SLC4A3: variants seen among roughly 807,000 people sequenced by gnomAD.
SLC4A3 encodes the protein anion exchange protein 3.
A neutral mutation model predicts 114.2 loss-of-function variants in SLC4A3; 47 were observed. That is an observed-to-expected ratio of 0.41 (90% confidence interval 0.33 to 0.52). SLC4A3 has a LOEUF of 0.52. Ranked by LOEUF, SLC4A3 falls within the 20% of genes least tolerant of loss-of-function variation. SLC4A3 has a pLI of 0.21. For synonymous variants in SLC4A3, 693 were observed against 710.3 expected (o/e 0.98, Z 0.39); for missense variants, 1,312 against 1,668.3 (o/e 0.79, Z 3.72).
rs2289781 is a variant in SLC4A3, at chr2:219,637,852, A to G, written c.2766+41A>G. The G allele has an allele frequency of 2.7e-4, 410 of 1,491,896 alleles. 2 individuals are homozygous for G. In the African/African-American group the frequency reaches 3.6e-3, roughly 13 times the overall value. 92.4% of individuals were successfully genotyped at this position (1,491,896 alleles called of 1,614,324 possible). On this transcript the variant is annotated intron_variant, in intron 17 of 22. Transcript: ENST00000358055. This position sits in a 1 kb window ranked among gnomAD's most constrained non-coding sequence, Gnocchi z 4.6. ...GTGTGGAGCCCCCAAGAGTCCCACA[A>G]TTCCTGCTGTAGGAGCTCCCCAGAG... is the stretch of plus-strand genomic sequence containing the variant.
rs1698903528 is a variant in SLC4A3 at position 219,631,117 on chromosome 2, T to G, written c.811+765T>G. ...GGCTTGTGGACTTGGGGAGTTGGGG[T>G]CGGGAGGCTGTGCCACCTTCAGCTC... is the stretch of plus-strand genomic sequence containing the variant. On this transcript the variant is annotated intron_variant, in intron 6 of 22. Coordinates refer to ENST00000358055, the MANE Select transcript of SLC4A3 (RefSeq NM_005070.4). The surrounding 1 kb of genome is among the most constrained non-coding windows in gnomAD (Gnocchi z 6.3). 3.5e-6 allele frequency: 4 copies of G among 1,148,118 alleles called. No homozygotes were observed. Among genetic ancestry groups the G allele is most frequent in the South Asian group, 1.8e-5 (1 of 54,912 alleles). 71.1% of individuals were successfully genotyped at this position (1,148,118 alleles called of 1,614,324 possible).
rs1489059788 is a variant in SLC4A3 at position 219,635,392 on chromosome 2, G to T, written c.1868G>T (p.Arg623Leu). 2 of 1,614,028 alleles carry T rather than the reference G, an allele frequency of 1.2e-6. No individual in the cohort carries two copies. Among genetic ancestry groups the T allele is most frequent in the African/African-American group, 1.3e-5 (1 of 74,918 alleles). ...GAGGTGGAGGGCCGTGACCTGCTGC[G>T]CTCCGTGGCTGCTTTCCAGCGAGAG... ...PSEVEGRDLL[R>L]SVAAFQRELL... The change falls in exon 13 of 23, where the codon CGC becomes CTC. Residue 623 changes from arginine to leucine, a missense_variant. Coordinates refer to ENST00000358055, the MANE Select transcript of SLC4A3 (RefSeq NM_005070.4).
At chr2:219,629,035 G>A in intron 3 of SLC4A3, 109 bp from the exon 4 acceptor site, 1 of 1,333,302 alleles carries the variant, frequency 7.5e-7, no homozygotes, top group East Asian at 2.5e-5. Context: ...CTGGAGGAAG[G>A]ACTAGGGTGC....
At position 219,635,690 on chromosome 2, in the gene SLC4A3, G is replaced by A. The variant is rs55910611; in HGVS notation, c.1990G>A (p.Gly664Arg). ...APGKELSLEL[G>R]GSEATPEDDP... Reference sequence around the variant, plus strand: ...TCCCCCAGAACTGTCTTTGGAGTTGGGGGGCTCTGAGGCAACCCCTGAAGA... The same window carrying A: ...TCCCCCAGAACTGTCTTTGGAGTTGAGGGGCTCTGAGGCAACCCCTGAAGA... The change falls in exon 14 of 23, where the codon GGG (glycine) becomes AGG (arginine). Residue 664 changes from glycine to arginine, a missense_variant. This residue lies in a region of SLC4A3 where 771 missense variants were observed against 977.7 expected (regional missense o/e 0.79). Transcript: ENST00000358055. The A allele has an allele frequency of 5.5e-3, 8,797 of 1,588,754 alleles. 24 individuals carry two copies. Among genetic ancestry groups the A allele is most frequent in the Non-Finnish European group, 6.9e-3 (8,120 of 1,170,354 alleles).
rs1167535730 is a variant in SLC4A3 at position 219,641,962 on chromosome 2, T to G, written c.*234T>G. The G allele has an allele frequency of 2.2e-6, 1 of 447,366 alleles. No homozygotes were observed. Among genetic ancestry groups the G allele is most frequent in the Non-Finnish European group, 4.0e-6 (1 of 252,134 alleles). The allele number at this position is 447,366 out of a possible 1,614,324, so 27.7% of individuals were successfully genotyped here. On this transcript the variant is annotated 3_prime_UTR_variant, in exon 23 of 23. Coordinates refer to ENST00000358055, the MANE Select transcript of SLC4A3 (RefSeq NM_005070.4). This position sits in a 1 kb window ranked among gnomAD's most constrained non-coding sequence, Gnocchi z 4.0. ...TTTGAGCTCATTATAACCACACTCC[T>G]TGTCTCGTGTCTGCCTCACTTTCTT... is the stretch of plus-strand genomic sequence containing the variant.
chr2:219,637,263 G>T lies in SLC4A3; in HGVS notation c.2536-318G>T, dbSNP rs549866583. The stretch of plus-strand genomic sequence containing the variant: ...GTTGTGTGTGATGTATGTGTTGTGT[G>T]TGTGTGCGTGTGTGTGCCTGTGTGT... On this transcript the variant is annotated intron_variant, in intron 16 of 22. Coordinates refer to ENST00000358055, the MANE Select transcript of SLC4A3 (RefSeq NM_005070.4). This position sits in a 1 kb window ranked among gnomAD's most constrained non-coding sequence, Gnocchi z 4.6. Among the ~76,000 whole-genome samples, 2 of 151,456 alleles carry T rather than the reference G, an allele frequency of 1.3e-5. No individual in the cohort carries two copies. The highest frequency in any genetic ancestry group is 1.3e-4 in the Admixed American group (2 of 15,194).
In SLC4A3 at chr2:219,628,360, C is replaced by T; in HGVS notation, c.52-45C>T. 1.9e-6 allele frequency: 3 copies of T among 1,545,808 alleles called. No individual in the cohort carries two copies. Among genetic ancestry groups the T allele is most frequent in the Non-Finnish European group, 2.6e-6 (3 of 1,148,114 alleles). ...CTTGGAGTTGGGGTGGGTGTGGGGCCTTCATGGGTCAGGGGTCCTTAGCAG... is the reference window on the plus strand; with the variant it reads ...CTTGGAGTTGGGGTGGGTGTGGGGCTTTCATGGGTCAGGGGTCCTTAGCAG... On this transcript the variant is annotated intron_variant, in intron 2 of 22. Coordinates refer to ENST00000358055, the MANE Select transcript of SLC4A3 (RefSeq NM_005070.4). This position sits in a 1 kb window ranked among gnomAD's most constrained non-coding sequence, Gnocchi z 4.8.
Position 219,632,026 on chromosome 2 carries a change from G to C in SLC4A3, c.870G>C (p.Arg290=). 8 of 1,613,460 alleles carry C rather than the reference G, an allele frequency of 5.0e-6. No homozygotes were observed. Among genetic ancestry groups the C allele is most frequent in the Non-Finnish European group, 6.8e-6 (8 of 1,179,814 alleles). ...GACACTTAGTGAAAAAGCCCTCCCG[G>C]ACGCAGGGCGGGAGGGGCAGTCCCA... ...VRRHLVKKPS[R]TQGGRGSPSG... is the part of the protein sequence containing the mutation. The change falls in exon 7 of 23, where the codon CGG becomes CGC. Residue 290 remains arginine, a synonymous_variant. Transcript: ENST00000358055.
In SLC4A3 at chr2:219,636,795, T is replaced by A; in HGVS notation, c.2456T>A (p.Ile819Asn). The change falls in exon 16 of 23, where the codon ATC (isoleucine) becomes AAC (asparagine). Residue 819 changes from isoleucine to asparagine, a missense_variant. Transcript: ENST00000358055. The surrounding 1 kb of genome is among the most constrained non-coding windows in gnomAD (Gnocchi z 5.5). Reference protein sequence around the residue: ...AAEGSFLVRYISPFTQEIFAF... With the variant: ...AAEGSFLVRYNSPFTQEIFAF... ...GAAGGCAGCTTCCTGGTCCGCTACA[T>A]CTCGCCTTTCACCCAGGAGATCTTT... is the stretch of plus-strand genomic sequence containing the variant. The A allele has an allele frequency of 1.2e-6, 2 of 1,614,078 alleles. No individual in the cohort carries two copies. Among genetic ancestry groups the A allele is most frequent in the South Asian group, 2.2e-5 (2 of 91,080 alleles).
Position 219,637,254 on chromosome 2 carries a change from G to T in SLC4A3, c.2536-327G>T, listed in dbSNP as rs1241448936. On this transcript the variant is annotated intron_variant, in intron 16 of 22. Coordinates refer to ENST00000358055, the MANE Select transcript of SLC4A3 (RefSeq NM_005070.4). This position sits in a 1 kb window ranked among gnomAD's most constrained non-coding sequence, Gnocchi z 4.6. Reference sequence around the variant, plus strand: ...GTATGGTGTGTTGTGTGTGATGTATGTGTTGTGTGTGTGTGCGTGTGTGTG... The same window carrying T: ...GTATGGTGTGTTGTGTGTGATGTATTTGTTGTGTGTGTGTGCGTGTGTGTG... Among the ~76,000 whole-genome samples, 1 of 151,062 alleles carries T rather than the reference G, an allele frequency of 6.6e-6. No homozygotes were observed. Among genetic ancestry groups the T allele is most frequent in the East Asian group, 1.9e-4 (1 of 5,170 alleles).
chr2:219,635,520 C>A, intron 13 of SLC4A3, 24 bp downstream of exon 13: 2 of 1,561,878 alleles, frequency 1.3e-6, no homozygotes, highest in Non-Finnish European at 1.7e-6. Context: ...AGGCTGAGTG[C>A]CCCCAATACA....
At chr2:219,640,225 G>GCCCCCCCC (rs5838745) in intron 20 of SLC4A3, among the ~76,000 whole-genome samples, 3 of 108,258 alleles carry the variant, frequency 2.8e-5, no homozygotes, top group African/African-American at 7.2e-5. Flanking sequence ...CAATGTGTCT[G>GCCCCCCCC]CCCCCCCCCC....
Position 219,631,922 on chromosome 2 carries a change from G to T in SLC4A3, c.812-46G>T. 6.5e-7 allele frequency: 1 copy of T among 1,536,728 alleles called. No individual in the cohort carries two copies. Among genetic ancestry groups the T allele is most frequent in the Non-Finnish European group, 8.7e-7 (1 of 1,143,500 alleles). ...GAAGGAGCTGGGCCGTGACCCCGAG[G>T]GCCCCAGCTGGACCTGTGGGACCCC... On this transcript the variant is annotated intron_variant, in intron 6 of 22. Transcript: ENST00000358055. The surrounding 1 kb of genome is among the most constrained non-coding windows in gnomAD (Gnocchi z 6.3).
At chr2:219,634,036 G>A in intron 11 of SLC4A3, 57 bp downstream of exon 11, 1 of 1,475,294 alleles carries the variant, frequency 6.8e-7, no homozygotes, top group Non-Finnish European at 9.0e-7. Flanking sequence ...CCTCTCCTGG[G>A]GGCCTGCTTG....
chr2:219,629,138 C>T lies in SLC4A3; in HGVS notation c.218-6C>T. The T allele has an allele frequency of 6.4e-7, 1 of 1,572,008 alleles. No homozygotes were observed. Among genetic ancestry groups the T allele is most frequent in the East Asian group, 2.3e-5 (1 of 44,408 alleles). ...GGGGCCTCAACCGGATCTCCTGCAC[C>T]CCCAGTTCACCGGCACACATCCCAC... On this transcript the variant is annotated splice_polypyrimidine_tract_variant and splice_region_variant and intron_variant, in intron 3 of 22. Coordinates refer to ENST00000358055, the MANE Select transcript of SLC4A3 (RefSeq NM_005070.4).
At position 219,627,696 on chromosome 2, in the gene SLC4A3, A is replaced by T. The variant is rs1272457466; in HGVS notation, c.-143A>T. 4.9e-6 allele frequency: 1 copy of T among 202,298 alleles called. No individual in the cohort carries two copies. Among genetic ancestry groups the T allele is most frequent in the East Asian group, 1.1e-4 (1 of 9,034 alleles). The allele number at this position is 202,298 out of a possible 1,614,324, so 12.5% of individuals were successfully genotyped here. ...CTGCGCTCGGGAGAGAGCGCGGGGG[A>T]CATGGGGCGCGGCGGCCCGCCTGGG... On this transcript the variant is annotated 5_prime_UTR_variant, in exon 1 of 23. Transcript: ENST00000358055.
Position 219,628,640 on chromosome 2 carries a change from C to A in SLC4A3, c.217+70C>A, listed in dbSNP as rs1698806676. ...CACCTTCATCGCCACCATCACCGCGCTCACCTCCGGCTTGGTCACCCAGTG... is the reference window on the plus strand; with the variant it reads ...CACCTTCATCGCCACCATCACCGCGATCACCTCCGGCTTGGTCACCCAGTG... On this transcript the variant is annotated intron_variant, in intron 3 of 22. Transcript: ENST00000358055. This position sits in a 1 kb window ranked among gnomAD's most constrained non-coding sequence, Gnocchi z 4.8. 7 of 1,510,888 alleles carry A rather than the reference C, an allele frequency of 4.6e-6. No individual in the cohort carries two copies. The highest frequency in any genetic ancestry group is 5.5e-6 in the Non-Finnish European group (6 of 1,099,712). The allele number at this position is 1,510,888 out of a possible 1,614,324, so 93.6% of individuals were successfully genotyped here.
chr2:219,628,579 C>T lies in SLC4A3; in HGVS notation c.217+9C>T. On this transcript the variant is annotated intron_variant, in intron 3 of 22. Coordinates refer to ENST00000358055, the MANE Select transcript of SLC4A3 (RefSeq NM_005070.4). The surrounding 1 kb of genome is among the most constrained non-coding windows in gnomAD (Gnocchi z 4.8). ...CGAGCGGGACTTTGAGTGTGGGTAG[C>T]CTGGGGACCCCTAGTGCGGCCGCCC... The T allele has an allele frequency of 6.2e-7, 1 of 1,611,448 alleles. No individual in the cohort carries two copies. The highest frequency in any genetic ancestry group is 8.5e-7 in the Non-Finnish European group (1 of 1,179,440).
rs760445023 is a variant in SLC4A3 at position 219,628,181 on chromosome 2, A to AG, written c.51+144dup. 2 of 817,724 alleles carry AG rather than the reference A, an allele frequency of 2.4e-6. No homozygotes were observed. The highest frequency in any genetic ancestry group is 3.1e-5 in the Admixed American group (1 of 32,612). 50.7% of individuals were successfully genotyped at this position (817,724 alleles called of 1,614,324 possible). A position where few individuals can be genotyped will look rare whatever the true frequency, so the allele number is the denominator to read the frequency against. ...GCTGGGCTGGGGGTTACGGAGAAAGAGGGGGGTTTTTGATATTTTCCAGAT... is the reference window on the plus strand; with the variant it reads ...GCTGGGCTGGGGGTTACGGAGAAAGAGGGGGGGTTTTTGATATTTTCCAGAT... On this transcript the variant is annotated intron_variant, in intron 2 of 22. Transcript: ENST00000358055. This position sits in a 1 kb window ranked among gnomAD's most constrained non-coding sequence, Gnocchi z 4.8.
Sources: gnomAD v4.1 joint callset for allele counts (sites outside exome capture counted in the v4.1 genomes callset) on GRCh38, gnomAD v4.1.1 for gene constraint, gnomAD v4.1.1 regional missense constraint, Gnocchi (gnomAD v3.1) non-coding constraint, MANE v1.5 for transcripts, NCBI Gene and HGNC (gene_info 2026-07-23, HGNC 2026-07-21) for gene names.